Variants in ELMO1 observed in about 807,000 individuals in gnomAD.
ELMO1 encodes the protein engulfment and cell motility 1.
In ELMO1, 26 loss-of-function variants were observed where a neutral mutation model predicts 98.9. The observed-to-expected ratio is 0.26, with a 90% CI of 0.19 to 0.36. The LOEUF (loss-of-function observed/expected upper bound fraction) is 0.36, where lower values mean the gene tolerates loss of function less well. Ranked by LOEUF, ELMO1 falls within the 10% of genes least tolerant of loss-of-function variation. The probability of loss-of-function intolerance (pLI) is 1.00; values close to 1 mark genes in which losing one functional copy is unlikely to be tolerated. For missense variants in ELMO1, 627 were observed against 935.2 expected (o/e 0.67, Z 4.30); for synonymous variants, 346 against 346.0 (o/e 1.00, Z 0.00).
chr7:37,293,450 G>T (rs1416914508), intron 4 of ELMO1, among the ~76,000 whole-genome samples: 4 of 89,914 alleles, frequency 4.4e-5, no homozygotes, highest in Admixed American at 1.3e-4. Context: ...CACATGTGCT[G>T]TATCCACTCA....
At chr7:37,184,866 G>A (rs945450066) in intron 13 of ELMO1, among the ~76,000 whole-genome samples, 19 of 151,680 alleles carry the variant, frequency 1.3e-4, no homozygotes, top group African/African-American at 4.1e-4. Flanking sequence ...GCCACTGCAC[G>A]CCAGCTGGGA....
chr7:37,150,882 C>T (rs1788312580), intron 13 of ELMO1, among the ~76,000 whole-genome samples: 1 of 152,198 alleles, frequency 6.6e-6, no homozygotes, highest in South Asian at 2.1e-4. Context: ...TGTTCTCTAA[C>T]AAGGAAATAA....
intron 1 of ELMO1, among the ~76,000 whole-genome samples, chr7:37,369,103 G>A (rs944423961): frequency 1.3e-5 from 2 of 152,150 alleles, no homozygotes; most frequent in African/African-American, 4.8e-5. Flanking sequence ...AAGATTAAGA[G>A]AGCCCAATAT....
At chr7:37,181,025 G>A (rs1429706773) in intron 13 of ELMO1, among the ~76,000 whole-genome samples, 1 of 152,150 alleles carries the variant, frequency 6.6e-6, no homozygotes, top group Non-Finnish European at 1.5e-5. Context: ...GTGGGTGATT[G>A]TGCAATATTA....
chr7:37,212,114 A>G (rs1793009580), intron 12 of ELMO1, among the ~76,000 whole-genome samples: 1 of 152,206 alleles, frequency 6.6e-6, no homozygotes, highest in African/African-American at 2.4e-5. Flanking sequence ...TGCTGAGTGA[A>G]ATAAACCAGA....
At chr7:37,117,901 G>T (rs901836584) in intron 14 of ELMO1, among the ~76,000 whole-genome samples, 2 of 152,090 alleles carry the variant, frequency 1.3e-5, no homozygotes, top group South Asian at 2.1e-4. Context: ...ATAAAAAAAG[G>T]TTCCTTTACA....
rs558403607 is a variant in ELMO1 at position 36,951,296 on chromosome 7, C to T, written c.1438-56279G>A. On this transcript the variant is annotated intron_variant, in intron 16 of 21. Transcript: ENST00000310758. ...ACTAGGTTAAAATCCTATCCCTTCACTTTGGTCTGCAAGAGCCTATCTGAT... is the reference window on the plus strand; with the variant it reads ...ACTAGGTTAAAATCCTATCCCTTCATTTTGGTCTGCAAGAGCCTATCTGAT... Among the ~76,000 whole-genome samples the T allele has an allele frequency of 2.0e-5, 3 of 152,352 alleles. No homozygotes were observed. In the South Asian group the frequency reaches 6.2e-4, roughly 32 times the overall value.
At chr7:37,357,624 T>A (rs1316024428) in intron 1 of ELMO1, among the ~76,000 whole-genome samples, 1 of 152,234 alleles carries the variant, frequency 6.6e-6, no homozygotes, top group African/African-American at 2.4e-5. Flanking sequence ...CTACCCTCAC[T>A]AGTAAGACAA....
chr7:37,246,458 A>G (rs1795010122), intron 6 of ELMO1, among the ~76,000 whole-genome samples: 1 of 152,192 alleles, frequency 6.6e-6, no homozygotes, highest in African/African-American at 2.4e-5. Flanking sequence ...TGAAGTGGTC[A>G]AAGTTATAAC....
chr7:37,259,167 A>G lies in ELMO1; in HGVS notation c.413+14T>C, dbSNP rs1162152072. ...CGCAGGACAGCTGTGGAAGTTAGGA[A>G]AAAAGACGCTTACTCAGTGCCGCTC... On this transcript the variant is annotated intron_variant, in intron 6 of 21. Transcript: ENST00000310758. The G allele has an allele frequency of 6.2e-7, 1 of 1,600,440 alleles. No individual in the cohort carries two copies. The highest frequency in any genetic ancestry group is 1.1e-5 in the South Asian group (1 of 90,112).
chr7:37,184,183 G>A (rs567324198), intron 13 of ELMO1, among the ~76,000 whole-genome samples: 1 of 152,270 alleles, frequency 6.6e-6, no homozygotes, highest in East Asian at 1.9e-4. Context: ...ATGAATGTTA[G>A]GTGGTGAAGA....
chr7:37,313,371 C>A (rs995550229), intron 4 of ELMO1, among the ~76,000 whole-genome samples: 2 of 152,138 alleles, frequency 1.3e-5, no homozygotes, highest in African/African-American at 4.8e-5. Context: ...ATTACAGGCG[C>A]CCATCACCAT....
At chr7:36,889,139 G>A (rs950464688) in intron 17 of ELMO1, among the ~76,000 whole-genome samples, 1 of 152,070 alleles carries the variant, frequency 6.6e-6, no homozygotes, top group African/African-American at 2.4e-5. Flanking sequence ...CATCTAACAG[G>A]GTATTCTAGT....
At chr7:36,896,821 G>A (rs1006613244) in intron 16 of ELMO1, among the ~76,000 whole-genome samples, 1 of 152,070 alleles carries the variant, frequency 6.6e-6, no homozygotes, top group African/African-American at 2.4e-5. Context: ...TCATATGACG[G>A]GCACCATAGG....
At chr7:37,064,656 T>C (rs1344377136) in intron 15 of ELMO1, among the ~76,000 whole-genome samples, 1 of 152,134 alleles carries the variant, frequency 6.6e-6, no homozygotes, top group Non-Finnish European at 1.5e-5. Flanking sequence ...GAATCTTGGT[T>C]CTCTCCTCTC....
At chr7:37,027,273 C>G (rs993542429) in intron 15 of ELMO1, among the ~76,000 whole-genome samples, 1 of 152,178 alleles carries the variant, frequency 6.6e-6, no homozygotes, top group Non-Finnish European at 1.5e-5. Flanking sequence ...AATCTGATTA[C>G]GTTTTTAAAA....
intron 16 of ELMO1, among the ~76,000 whole-genome samples, chr7:36,964,363 G>C (rs979360519): frequency 6.6e-6 from 1 of 152,046 alleles, no homozygotes; most frequent in South Asian, 2.1e-4. Flanking sequence ...ATCATCTAAC[G>C]TAAAGTATAT....
rs974331490 is a variant in ELMO1 at position 37,159,063 on chromosome 7, C to T, written c.1087-25829G>A. Among the ~76,000 whole-genome samples the T allele has an allele frequency of 2.6e-4, 40 of 152,124 alleles. 1 individual carries two copies. The highest frequency in any genetic ancestry group is 6.5e-5 in the Admixed American group (1 of 15,272). The stretch of plus-strand genomic sequence containing the variant: ...CAAAATTATCACAAGGACAGAAAAC[C>T]TAACACCACATGTTCCCACGCATAA... On this transcript the variant is annotated intron_variant, in intron 13 of 21. Coordinates refer to ENST00000310758, the MANE Select transcript of ELMO1 (RefSeq NM_014800.11).
intron 13 of ELMO1, among the ~76,000 whole-genome samples, chr7:37,203,949 T>G (rs893603497): frequency 6.6e-6 from 1 of 152,102 alleles, no homozygotes; most frequent in African/African-American, 2.4e-5. Flanking sequence ...AGTCAGGGAT[T>G]GTTAGAGAGC....
Sources: allele counts gnomAD v4.1 joint callset (sites outside exome capture counted in the v4.1 genomes callset), GRCh38; gene constraint gnomAD v4.1.1; transcripts MANE v1.5; gene names NCBI Gene and HGNC (gene_info 2026-07-23, HGNC 2026-07-21).